RGL1: variants seen among roughly 807,000 people sequenced by gnomAD.
The protein encoded by RGL1 is ral guanine nucleotide dissociation stimulator like 1.
In RGL1, 24 loss-of-function variants were observed where a neutral mutation model predicts 95.2. The observed-to-expected ratio is 0.25, with a 90% CI of 0.18 to 0.35. The LOEUF (loss-of-function observed/expected upper bound fraction) is 0.35. Among genes scored for constraint, RGL1 ranks in the 10% least tolerant of loss-of-function variants. RGL1 has a pLI of 1.00. For synonymous variants in RGL1, 329 were observed against 344.9 expected, an observed-to-expected ratio of 0.95 and a Z score of 0.51; for missense variants, 715 against 936.3, an observed-to-expected ratio of 0.76 and a Z score of 3.08.
intron 2 of RGL1, among the ~76,000 whole-genome samples, chr1:183,828,276 C>T (rs967876839): frequency 6.6e-6 from 1 of 152,152 alleles, no homozygotes; most frequent in Non-Finnish European, 1.5e-5. Flanking sequence ...TGTCTTCAAA[C>T]GGTTTCAGTA....
At chr1:183,835,113 T>A (rs1024589304) in intron 2 of RGL1, among the ~76,000 whole-genome samples, 5 of 152,244 alleles carry the variant, frequency 3.3e-5, no homozygotes, top group Admixed American at 1.3e-4. Flanking sequence ...CATAAAATTT[T>A]GATCATTAAT....
chr1:183,640,877 A>C (rs1459042501), intron 1 of RGL1, among the ~76,000 whole-genome samples: 1 of 152,116 alleles, frequency 6.6e-6, no homozygotes, highest in African/African-American at 2.4e-5. Context: ...TTGGTATTTC[A>C]CCAGTTGACA....
At chr1:183,671,573 A>G (rs1652452464) in intron 1 of RGL1, among the ~76,000 whole-genome samples, 1 of 152,206 alleles carries the variant, frequency 6.6e-6, no homozygotes, top group South Asian at 2.1e-4. Flanking sequence ...TTTGACAGAA[A>G]GGGAATGAAG....
chr1:183,679,443 G>T (rs143648869), intron 1 of RGL1, among the ~76,000 whole-genome samples: 10,091 of 140,304 alleles, frequency 0.072, 580 homozygotes, highest in African/African-American at 0.18. Flanking sequence ...GTGTCCATGT[G>T]TTCTCATTGT....
At chr1:183,925,324 G>A (rs1048854400) in intron 17 of RGL1, among the ~76,000 whole-genome samples, 1 of 152,130 alleles carries the variant, frequency 6.6e-6, no homozygotes, top group Non-Finnish European at 1.5e-5. Flanking sequence ...TCACACACTG[G>A]GGCCTGTCAG....
chr1:183,711,313 A>T (rs1363194207), intron 1 of RGL1, among the ~76,000 whole-genome samples: 2 of 152,194 alleles, frequency 1.3e-5, no homozygotes, highest in Non-Finnish European at 1.5e-5. Flanking sequence ...TCCAGAGGAC[A>T]TCTGTCATTT....
At chr1:183,876,216 C>T (rs778627599) in intron 4 of RGL1, among the ~76,000 whole-genome samples, 8 of 152,218 alleles carry the variant, frequency 5.3e-5, no homozygotes, top group Non-Finnish European at 1.0e-4. Context: ...AAAGGGCACT[C>T]AACAAATATT....
chr1:183,907,778 C>G (rs1376750323), intron 14 of RGL1, among the ~76,000 whole-genome samples: 1 of 152,116 alleles, frequency 6.6e-6, no homozygotes, highest in Non-Finnish European at 1.5e-5. Flanking sequence ...TTGCCTGAGG[C>G]CAGGAGTTTG....
intron 2 of RGL1, among the ~76,000 whole-genome samples, chr1:183,758,457 A>G (rs976771693): frequency 6.6e-6 from 1 of 152,120 alleles, no homozygotes; most frequent in African/African-American, 2.4e-5. Context: ...TTGGCCTCCC[A>G]AAGTGCTAGG....
At chr1:183,663,281 C>T (rs1473873763) in intron 1 of RGL1, among the ~76,000 whole-genome samples, 1 of 151,668 alleles carries the variant, frequency 6.6e-6, no homozygotes, top group Middle Eastern at 3.2e-3. Context: ...AGGCAACCTA[C>T]AAAATGGGAG....
rs1215771076 is a variant in RGL1 at position 183,927,129 on chromosome 1, CT to C, written c.*840del. 1 of 152,590 alleles carries C rather than the reference CT, an allele frequency of 6.6e-6. No homozygotes were observed. The highest frequency in any genetic ancestry group is 1.5e-5 in the Non-Finnish European group (1 of 68,038). The allele number at this position is 152,590 out of a possible 1,614,324, so 9.5% of individuals were successfully genotyped here. A position where few individuals can be genotyped will look rare whatever the true frequency, so the allele number is the denominator to read the frequency against. The stretch of plus-strand genomic sequence containing the variant: ...TAATCATTGCACAAATAACCATGTT[CT>C]TTGGTAATGAAGCCAGAAAAGAAAG... On this transcript the variant is annotated 3_prime_UTR_variant, in exon 18 of 18. Coordinates refer to ENST00000360851, the MANE Select transcript of RGL1 (RefSeq NM_001297671.3).
intron 1 of RGL1, among the ~76,000 whole-genome samples, chr1:183,649,776 C>T (rs1650580850): frequency 6.6e-6 from 1 of 151,962 alleles, no homozygotes; most frequent in South Asian, 2.1e-4. Context: ...AAAAATATTC[C>T]TTCAGTTATC....
intron 2 of RGL1, among the ~76,000 whole-genome samples, chr1:183,750,746 G>A (rs141384714): frequency 0.018 from 2,717 of 152,288 alleles, 42 homozygotes; most frequent in Middle Eastern, 0.024. Flanking sequence ...GGGTTTTTGC[G>A]TGGGCATCCT....
chr1:183,895,497 A>G (rs1667641599), intron 9 of RGL1, among the ~76,000 whole-genome samples: 1 of 152,314 alleles, frequency 6.6e-6, no homozygotes, highest in African/African-American at 2.4e-5. Flanking sequence ...AACATAGGTG[A>G]TGATTAAAAT....
At chr1:183,815,638 T>G (rs1190193993) in intron 2 of RGL1, among the ~76,000 whole-genome samples, 1 of 152,114 alleles carries the variant, frequency 6.6e-6, no homozygotes, top group Non-Finnish European at 1.5e-5. Context: ...AGAGCCAGAC[T>G]TCCATGCAAA....
At chr1:183,716,727 C>T (rs1209258770) in intron 1 of RGL1, among the ~76,000 whole-genome samples, 5 of 152,208 alleles carry the variant, frequency 3.3e-5, no homozygotes, top group Admixed American at 3.3e-4. Context: ...AATTGGCTTT[C>T]CTATTAACTG....
intron 1 of RGL1, among the ~76,000 whole-genome samples, chr1:183,697,350 T>C (rs1471609950): frequency 6.6e-6 from 1 of 152,228 alleles, no homozygotes; most frequent in East Asian, 1.9e-4. Context: ...TATTATTTTC[T>C]AATATTTTAC....
chr1:183,716,915 A>T (rs1200847463), intron 1 of RGL1, among the ~76,000 whole-genome samples: 1 of 152,226 alleles, frequency 6.6e-6, no homozygotes, highest in South Asian at 2.1e-4. Flanking sequence ...ACTTTGTCTC[A>T]TGTAGGACTT....
rs141348342 is a variant in RGL1 at position 183,675,157 on chromosome 1, A to C, written c.-33+38656A>C. 2.0e-3 allele frequency among the ~76,000 whole-genome samples: 306 copies of C among 152,248 alleles called. 5 individuals are homozygous for C. The highest frequency in any genetic ancestry group is 6.6e-3 in the African/African-American group (273 of 41,540). Reference sequence around the variant, plus strand: ...TGCCTTTTTTTCTTCTTTTACTTACACAGGGCACTCGGGAATCTTGCACTC... The same window carrying C: ...TGCCTTTTTTTCTTCTTTTACTTACCCAGGGCACTCGGGAATCTTGCACTC... On this transcript the variant is annotated intron_variant, in intron 1 of 18. Coordinates refer to the RGL1 transcript ENST00000304685.
Sources: allele counts gnomAD v4.1 joint callset (sites outside exome capture counted in the v4.1 genomes callset), GRCh38; gene constraint gnomAD v4.1.1; transcripts MANE v1.5; gene names NCBI Gene and HGNC (gene_info 2026-07-23, HGNC 2026-07-21).